Variants in ZNFX1 observed in about 807,000 individuals in gnomAD.
ZNFX1 encodes the protein zinc finger NFX1-type containing 1, also known as NFX1-type zinc finger-containing protein 1.
Under a neutral mutation model 179.8 loss-of-function variants are expected in ZNFX1, and 78 were observed. That is an observed-to-expected ratio of 0.43 (90% CI 0.36 to 0.52). ZNFX1 has a LOEUF of 0.52. Ranked by LOEUF, ZNFX1 falls within the 20% of genes least tolerant of loss-of-function variation. ZNFX1 has a pLI of 0.00. For synonymous variants in ZNFX1, 848 were observed against 868.5 expected (o/e 0.98, Z 0.42); for missense variants, 1,927 against 2,386.6 (o/e 0.81, Z 4.01).
chr20:49,248,849 TCAC>T lies in ZNFX1; in HGVS notation c.4172_4174del (p.Gly1391del), dbSNP rs1290060137. The T allele has an allele frequency of 6.2e-7, 1 of 1,613,454 alleles. No individual in the cohort carries two copies. On this transcript the variant is annotated inframe_deletion, in exon 14 of 14. Transcript: ENST00000396105. This position sits in a 1 kb window ranked among gnomAD's most constrained non-coding sequence, Gnocchi z 4.6. The stretch of plus-strand genomic sequence containing the variant: ...TTCTGAACACAGCTGCACACAGTCC[TCAC>T]CACATGGGTGGCTGCATCTGTGCCC...
At chr20:49,272,870 C>T (rs1312012233) in intron 2 of ZNFX1, among the ~76,000 whole-genome samples, 1 of 152,206 alleles carries the variant, frequency 6.6e-6, no homozygotes, top group Non-Finnish European at 1.5e-5. Flanking sequence ...AACCCTTATA[C>T]AGGAAGCCTA....
Position 49,247,820 on chromosome 20 carries a change from T to A in ZNFX1, c.5204A>T (p.Glu1735Val), listed in dbSNP as rs540821278. 1 of 1,614,156 alleles carries A rather than the reference T, an allele frequency of 6.2e-7. No homozygotes were observed. Among genetic ancestry groups the A allele is most frequent in the East Asian group, 2.2e-5 (1 of 44,882 alleles). The change falls in exon 14 of 14, where the codon GAA becomes GTA. Residue 1735 changes from glutamate (E) to valine (V), a missense_variant. Glu to Val is a moderately radical substitution (Grantham distance 121). Transcript: ENST00000396105. ...CTTGGCCAGCCACTCATGGACCTGTTCTAGTCGAGTCCTCACTCTTTTCTC... is the reference window on the plus strand; with the variant it reads ...CTTGGCCAGCCACTCATGGACCTGTACTAGTCGAGTCCTCACTCTTTTCTC... ...LEEKRVRTRLEQVHEWLAKKR... is the reference protein window; with the variant it reads ...LEEKRVRTRLVQVHEWLAKKR...
In ZNFX1 at chr20:49,246,952, T is replaced by A; in HGVS notation, c.*315A>T. 1 of 455,500 alleles carries A rather than the reference T, an allele frequency of 2.2e-6. No individual in the cohort carries two copies. The highest frequency in any genetic ancestry group is 4.3e-6 in the Non-Finnish European group (1 of 233,140). The allele number at this position is 455,500 out of a possible 1,614,324, so 28.2% of individuals were successfully genotyped here. On this transcript the variant is annotated 3_prime_UTR_variant, in exon 14 of 14. Transcript: ENST00000396105. Reference sequence around the variant, plus strand: ...GGCATGATCTCAGCTCACTGCAACCTCCGCCTCCTGGGTTTAAGCGATTCT... The same window carrying A: ...GGCATGATCTCAGCTCACTGCAACCACCGCCTCCTGGGTTTAAGCGATTCT...
rs920826835 is a variant in ZNFX1, at chr20:49,278,056, G to C, written c.-84C>G. 6.6e-6 allele frequency: 1 copy of C among 152,606 alleles called. No homozygotes were observed. Among genetic ancestry groups the C allele is most frequent in the Non-Finnish European group, 1.5e-5 (1 of 68,248 alleles). 9.5% of individuals were successfully genotyped at this position (152,606 alleles called of 1,614,324 possible). On this transcript the variant is annotated 5_prime_UTR_variant, in exon 1 of 14. Transcript: ENST00000396105. ...CGCGTCCTTTCACTGCCGCCGGCGAGTGCTGGGGCTTCGGCCCAGGCAGGT... is the reference window on the plus strand; with the variant it reads ...CGCGTCCTTTCACTGCCGCCGGCGACTGCTGGGGCTTCGGCCCAGGCAGGT...
Position 49,257,549 on chromosome 20 carries a change from C to CA in ZNFX1, c.2531dup (p.Arg845GlufsTer18), listed in dbSNP as rs1197212959. 1 of 1,613,838 alleles carries CA rather than the reference C, an allele frequency of 6.2e-7. No individual in the cohort carries two copies. Among genetic ancestry groups the CA allele is most frequent in the Non-Finnish European group, 8.5e-7 (1 of 1,180,022 alleles). ...CTTCCTTCTTCCGCCGCTGGGGCCT[C>CA]ACCACCTCTTCCTCCTCAATCACCC... is the stretch of plus-strand genomic sequence containing the variant. On this transcript the variant is annotated frameshift_variant, in exon 8 of 14. Transcript: ENST00000396105. LOFTEE classifies it high-confidence loss of function.
Position 49,264,780 on chromosome 20 carries a change from T to A in ZNFX1, c.2087A>T (p.Glu696Val). The A allele has an allele frequency of 6.2e-7, 1 of 1,614,136 alleles. No individual in the cohort carries two copies. Among genetic ancestry groups the A allele is most frequent in the Non-Finnish European group, 8.5e-7 (1 of 1,180,024 alleles). ...GCGGAATTCCCGCTTGTTCCTCAGC[T>A]CCCTTAGGGTGAACTGCTTCAGGAT... ...SEILKQFTLRELRNKREFRRN... is the reference protein window; with the variant it reads ...SEILKQFTLRVLRNKREFRRN... Residue 696 changes from glutamate (E) to valine (V), a missense_variant, in exon 5 of 14, where the codon GAG becomes GTG. Coordinates refer to ENST00000396105, the MANE Select transcript of ZNFX1 (RefSeq NM_021035.3).
Position 49,271,496 on chromosome 20 carries a change from T to C in ZNFX1, c.316A>G (p.Arg106Gly), listed in dbSNP as rs749428144. The C allele has an allele frequency of 6.2e-7, 1 of 1,614,192 alleles. No individual in the cohort carries two copies. Among genetic ancestry groups the C allele is most frequent in the Non-Finnish European group, 8.5e-7 (1 of 1,180,026 alleles). The change falls in exon 3 of 14, where the codon AGA becomes GGA. Residue 106 changes from arginine to glycine, a missense_variant. Physicochemically the swap from Arg to Gly is moderately radical, Grantham distance 125. Coordinates refer to ENST00000396105, the MANE Select transcript of ZNFX1 (RefSeq NM_021035.3). Reference protein sequence around the residue: ...RHDQENDTRWRNGNQDCRNRR... With the variant: ...RHDQENDTRWGNGNQDCRNRR... Reference sequence around the variant, plus strand: ...TTCCTACAGTCCTGGTTGCCATTTCTCCACCTGGTGTCATTCTCCTGGTCA... The same window carrying C: ...TTCCTACAGTCCTGGTTGCCATTTCCCCACCTGGTGTCATTCTCCTGGTCA...
At chr20:49,254,427 G>A in intron 10 of ZNFX1, 68 bp downstream of exon 10, 2 of 1,580,850 alleles carry the variant, frequency 1.3e-6, no homozygotes, top group Non-Finnish European at 1.7e-6. Context: ...CTCTTTACCT[G>A]TCCTTAGATA....
At chr20:49,254,345 C>G (rs1980916440) in intron 10 of ZNFX1, 150 bp downstream of exon 10, 1 of 1,101,972 alleles carries the variant, frequency 9.1e-7, no homozygotes, top group Non-Finnish European at 1.3e-6. Flanking sequence ...TGAATTTCAC[C>G]AAGAGTTCTC....
chr20:49,260,019 A>C (rs1426536308), intron 7 of ZNFX1, among the ~76,000 whole-genome samples: 1 of 152,224 alleles, frequency 6.6e-6, no homozygotes, highest in Non-Finnish European at 1.5e-5. Flanking sequence ...ACTGGTGTGT[A>C]AGTAATAGTT....
intron 3 of ZNFX1, among the ~76,000 whole-genome samples, chr20:49,269,352 T>A (rs1482144529): frequency 6.6e-6 from 1 of 152,030 alleles, no homozygotes; most frequent in Non-Finnish European, 1.5e-5. Flanking sequence ...AGGGCCTACT[T>A]CAGGATAGAG....
rs754607901 is a variant in ZNFX1, at chr20:49,271,562, G to C, written c.250C>G (p.Gln84Glu). The change falls in exon 3 of 14, where the codon CAG becomes GAG. Residue 84 changes from glutamine to glutamate, a missense_variant. Transcript: ENST00000396105. ...GCTTCGTCGCTGGCATGCCCCTCCT[G>C]GTTCCTCCTTCCTTGATGTGGGTTC... ...GRNPHQGRRNQEGHASDEARD... is the reference protein window; with the variant it reads ...GRNPHQGRRNEEGHASDEARD... The C allele has an allele frequency of 1.9e-6, 3 of 1,613,990 alleles. No homozygotes were observed. Among genetic ancestry groups the C allele is most frequent in the South Asian group, 1.1e-5 (1 of 91,092 alleles).
At position 49,249,377 on chromosome 20, in the gene ZNFX1, C is replaced by G; in HGVS notation, c.3647G>C (p.Arg1216Pro). The G allele has an allele frequency of 1.2e-6, 2 of 1,614,236 alleles. No homozygotes were observed. The highest frequency in any genetic ancestry group is 1.7e-6 in the Non-Finnish European group (2 of 1,180,054). Residue 1216 changes from arginine (R) to proline (P), a missense_variant, in exon 14 of 14, where the codon CGC becomes CCC. Arg to Pro is a moderately radical substitution (Grantham distance 103, BLOSUM62 -2). Coordinates refer to ENST00000396105, the MANE Select transcript of ZNFX1 (RefSeq NM_021035.3). ...GGCTCGGGACAAGGCCACACAGATG[C>G]GGTTGGATATCTGCAGAAAACCCAC... ...GKVGFLQISNRICVALSRAKK... is the reference protein window; with the variant it reads ...GKVGFLQISNPICVALSRAKK...
At chr20:49,260,343 C>T (rs188209664) in intron 7 of ZNFX1, 120 bp downstream of exon 7, 39 of 492,714 alleles carry the variant, frequency 7.9e-5, no homozygotes, top group African/African-American at 7.1e-4. Context: ...AGCTATTTGT[C>T]TTTCTCTGAT....
At chr20:49,256,358 TA>T (rs1430822782) in intron 8 of ZNFX1, among the ~76,000 whole-genome samples, 1 of 152,202 alleles carries the variant, frequency 6.6e-6, no homozygotes, top group African/African-American at 2.4e-5. Context: ...TTCTTGTTCC[TA>T]AAATGCATGC....
chr20:49,266,004 A>T (rs560004466), intron 4 of ZNFX1, 131 bp downstream of exon 4: 1 of 1,008,588 alleles, frequency 9.9e-7, no homozygotes, highest in East Asian at 2.5e-5. Context: ...GCTGGGACAG[A>T]TCACAAACGG....
Position 49,269,823 on chromosome 20 carries a change from T to C in ZNFX1, c.1870+119A>G, listed in dbSNP as rs1256901534. 5 of 1,290,886 alleles carry C rather than the reference T, an allele frequency of 3.9e-6. No individual in the cohort carries two copies. The African/African-American group carries it at 6.0e-5, about 15-fold the overall frequency. 80.0% of individuals were successfully genotyped at this position (1,290,886 alleles called of 1,614,324 possible). ...TGCACATGTACCCCTAAACCTAAAA[T>C]AAAAGTTGGAAAATAAAATAAGTAA... On this transcript the variant is annotated intron_variant, in intron 3 of 13. Transcript: ENST00000396105.
Position 49,248,190 on chromosome 20 carries a change from C to T in ZNFX1, c.4834G>A (p.Val1612Ile). 1 of 1,614,124 alleles carries T rather than the reference C, an allele frequency of 6.2e-7. No individual in the cohort carries two copies. The highest frequency in any genetic ancestry group is 8.5e-7 in the Non-Finnish European group (1 of 1,180,020). ...GGGCAGACTTTCAATCTGATGGCGACTTCATCATCCTTCTGTTCATTCATG... is the reference window on the plus strand; with the variant it reads ...GGGCAGACTTTCAATCTGATGGCGATTTCATCATCCTTCTGTTCATTCATG... ...RYMNEQKDDEVAIRLKVCPIC... is the reference protein window; with the variant it reads ...RYMNEQKDDEIAIRLKVCPIC... Residue 1612 changes from valine to isoleucine, a missense_variant, in exon 14 of 14, where the codon GTC (valine) becomes ATC (isoleucine). Coordinates refer to ENST00000396105, the MANE Select transcript of ZNFX1 (RefSeq NM_021035.3). This position sits in a 1 kb window ranked among gnomAD's most constrained non-coding sequence, Gnocchi z 4.6.
Position 49,248,482 on chromosome 20 carries a change from A to G in ZNFX1, c.4542T>C (p.Cys1514=). The G allele has an allele frequency of 6.2e-7, 1 of 1,612,678 alleles. No homozygotes were observed. Among genetic ancestry groups the G allele is most frequent in the Non-Finnish European group, 8.5e-7 (1 of 1,178,908 alleles). Residue 1514 remains cysteine (C), a synonymous_variant, in exon 14 of 14, where the codon TGT becomes TGC. Transcript: ENST00000396105. This position sits in a 1 kb window ranked among gnomAD's most constrained non-coding sequence, Gnocchi z 4.6. ...ACTGGTAGTGCTGGCAGCGCCAGAC[A>G]CAGGGTTCCACGCAGGGACTACACA... The part of the protein sequence containing the change: ...GELCSPCVEP[C]VWRCQHYQCT...
Sources: gnomAD v4.1 joint callset for allele counts (sites outside exome capture counted in the v4.1 genomes callset) on GRCh38, gnomAD v4.1.1 for gene constraint, Gnocchi (gnomAD v3.1) non-coding constraint, MANE v1.5 for transcripts, NCBI Gene and HGNC (gene_info 2026-07-23, HGNC 2026-07-21) for gene names.